The following CFAP97 variants were observed in gnomAD, a reference collection of about 807,000 sequenced individuals.
CFAP97 encodes the protein cilia and flagella associated protein 97.
In CFAP97, 36 loss-of-function variants were observed where a neutral mutation model predicts 43.1. The ratio of observed to expected loss-of-function variants is 0.84; its 90% CI spans 0.64 to 1.10. The LOEUF is 1.10. Among genes scored for constraint, CFAP97 ranks in the 50% least tolerant of loss-of-function variants. CFAP97 has a pLI of 0.00. For missense variants in CFAP97, 657 were observed against 620.3 expected (o/e 1.06, Z -0.63); for synonymous variants, 228 against 225.7 (o/e 1.01, Z -0.09).
At chr4:185,180,765 C>G (rs1377003887) in intron 2 of CFAP97, among the ~76,000 whole-genome samples, 2 of 151,938 alleles carry the variant, frequency 1.3e-5, no homozygotes, top group East Asian at 1.9e-4. Context: ...GGGAGATTGA[C>G]TAAGTTAAAA....
rs1330275832 is a variant in CFAP97 at position 185,161,676 on chromosome 4, T to C, written c.*1122A>G. 1.3e-5 allele frequency: 2 copies of C among 152,172 alleles called. No homozygotes were observed. The highest frequency in any genetic ancestry group is 2.9e-5 in the Non-Finnish European group (2 of 68,026). The allele number at this position is 152,172 out of a possible 1,614,324, so 9.4% of individuals were successfully genotyped here. A position where few individuals can be genotyped will look rare whatever the true frequency, so the allele number is the denominator to read the frequency against. ...TACCAATTCCATCAAGATTACTAGGTCTTTAAATGTGGGACTGGTAAAAAT... is the reference window on the plus strand; with the variant it reads ...TACCAATTCCATCAAGATTACTAGGCCTTTAAATGTGGGACTGGTAAAAAT... On this transcript the variant is annotated 3_prime_UTR_variant, in exon 5 of 5. Coordinates refer to ENST00000458385, the MANE Select transcript of CFAP97 (RefSeq NM_020827.3).
chr4:185,169,494 A>G (rs896133767), intron 3 of CFAP97: 2 of 644,106 alleles, frequency 3.1e-6, no homozygotes, highest in South Asian at 6.9e-5. Flanking sequence ...CTGTAAGTCA[A>G]TTAAAACTCT....
At chr4:185,193,700 T>C (rs1736408183) in intron 1 of CFAP97, among the ~76,000 whole-genome samples, 1 of 152,126 alleles carries the variant, frequency 6.6e-6, no homozygotes, top group African/African-American at 2.4e-5. Flanking sequence ...ACTATATTCA[T>C]ATTATAATTA....
At chr4:185,199,302 G>A (rs1418386079) in intron 1 of CFAP97, among the ~76,000 whole-genome samples, 1 of 152,062 alleles carries the variant, frequency 6.6e-6, no homozygotes, top group East Asian at 1.9e-4. Flanking sequence ...GAACCCAGGA[G>A]GCAGGTTGCA....
chr4:185,170,943 C>G (rs2111329868), intron 3 of CFAP97, among the ~76,000 whole-genome samples: 1 of 125,780 alleles, frequency 8.0e-6, no homozygotes, highest in South Asian at 2.5e-4. Context: ...CAAGACTGAG[C>G]CACTTACTCC....
At position 185,160,014 on chromosome 4, in the gene CFAP97, T is replaced by C. The variant is rs1282995595; in HGVS notation, c.*2784A>G. 3 of 152,252 alleles carry C rather than the reference T, an allele frequency of 2.0e-5. No homozygotes were observed. The highest frequency in any genetic ancestry group is 4.4e-5 in the Non-Finnish European group (3 of 68,050). The allele number at this position is 152,252 out of a possible 1,614,324, so 9.4% of individuals were successfully genotyped here. On this transcript the variant is annotated 3_prime_UTR_variant, in exon 5 of 5. Coordinates refer to ENST00000458385, the MANE Select transcript of CFAP97 (RefSeq NM_020827.3). ...GACAGGCACAGCCGTCACTTACCCA[T>C]GACCGTCACCTTCCTAAAGCTGTCT...
At chr4:185,165,329 T>C (rs1735026548) in intron 3 of CFAP97, among the ~76,000 whole-genome samples, 1 of 150,566 alleles carries the variant, frequency 6.6e-6, no homozygotes, top group Admixed American at 6.6e-5. Context: ...AGGATATATA[T>C]ACCAATTGGC....
rs1735499979 is a variant in CFAP97 at position 185,175,856 on chromosome 4, T to C, written c.1250A>G (p.His417Arg). The C allele has an allele frequency of 6.8e-6, 11 of 1,613,990 alleles. No individual in the cohort carries two copies. Among genetic ancestry groups the C allele is most frequent in the East Asian group, 2.2e-5 (1 of 44,876 alleles). ...AGCACTGTGATATAACTTTGGGGGA[T>C]GATCAGCCGATCTAGGAATTGTACT... The part of the protein sequence containing the change: ...SKSTIPRSAD[H>R]PPKLYHSALN... The change falls in exon 3 of 5, where the codon CAT (histidine) becomes CGT (arginine). Residue 417 changes from histidine (H) to arginine (R), a missense_variant. By Grantham distance (29) the His-to-Arg change is conservative (BLOSUM62 0). Coordinates refer to ENST00000458385, the MANE Select transcript of CFAP97 (RefSeq NM_020827.3).
intron 3 of CFAP97, among the ~76,000 whole-genome samples, chr4:185,165,313 T>A (rs4355435): frequency 0.46 from 69,915 of 151,872 alleles, 16,122 homozygotes; most frequent in Middle Eastern, 0.56. Flanking sequence ...TAATAAATTT[T>A]AAAAAAGGAT....
rs1420762334 is a variant in CFAP97 at position 185,160,197 on chromosome 4, T to G, written c.*2601A>C. On this transcript the variant is annotated 3_prime_UTR_variant, in exon 5 of 5. Transcript: ENST00000458385. ...GCAGAGGAAGTATAAGAGCTACCCC[T>G]TAAGAAATAACTTTAATAGTTAAAA... is the stretch of plus-strand genomic sequence containing the variant. The G allele has an allele frequency of 6.6e-6, 1 of 152,196 alleles. No homozygotes were observed. The highest frequency in any genetic ancestry group is 1.5e-5 in the Non-Finnish European group (1 of 68,030). 9.4% of individuals were successfully genotyped at this position (152,196 alleles called of 1,614,324 possible).
chr4:185,195,652 A>C lies in CFAP97; in HGVS notation c.-16-4440T>G, dbSNP rs147478891. On this transcript the variant is annotated intron_variant, in intron 1 of 4. Transcript: ENST00000458385. ...ATAACTCATGAGGGGAGGGGAGAGG[A>C]GTAGTGTGCTCAGGGGAAGGAGAAA... Among the ~76,000 whole-genome samples the C allele has an allele frequency of 3.9e-3, 601 of 152,334 alleles. 2 individuals are homozygous for C. The highest frequency in any genetic ancestry group is 0.014 in the African/African-American group (564 of 41,578).
intron 1 of CFAP97, among the ~76,000 whole-genome samples, chr4:185,198,881 C>A (rs1159193662): frequency 1.3e-5 from 2 of 152,020 alleles, no homozygotes; most frequent in African/African-American, 4.8e-5. Context: ...AATGTGACTA[C>A]AATAAACATC....
rs1427958788 is a variant in CFAP97 at position 185,162,804 on chromosome 4, C to T, written c.1593G>A (p.Trp531Ter). Residue 531 changes from tryptophan (W) to a stop codon, truncating the protein, a stop_gained, in exon 5 of 5, where the codon TGG becomes TGA. Transcript: ENST00000458385. LOFTEE classifies it high-confidence loss of function. ...RPKPPNVRTA[W>*]L ...TTTAAAGTAAAAAAGTGTTTTATAA[C>T]CAAGCTGTACGGACATTAGGGGGTT... 1.2e-6 allele frequency: 2 copies of T among 1,612,788 alleles called. No homozygotes were observed. Among genetic ancestry groups the T allele is most frequent in the Non-Finnish European group, 1.7e-6 (2 of 1,179,492 alleles).
intron 4 of CFAP97, 137 bp from the exon 5 acceptor site, chr4:185,163,062 G>A (rs1280618006): frequency 3.0e-6 from 2 of 671,508 alleles, no homozygotes; most frequent in Non-Finnish European, 2.2e-6. Flanking sequence ...AGAATTCCCT[G>A]TGGAAGTTAA....
upstream of CFAP97, chr4:185,209,868 C>T (rs887102707): frequency 8.9e-5 from 88 of 983,466 alleles, no homozygotes; most frequent in Non-Finnish European, 1.0e-4. The surrounding 1 kb of genome is among the most constrained non-coding windows in gnomAD (Gnocchi z 5.2). Context: ...CCGGCCCCAG[C>T]CCCGCGCGGG....
At chr4:185,202,038 T>C (rs899453039) in intron 1 of CFAP97, among the ~76,000 whole-genome samples, 1 of 151,706 alleles carries the variant, frequency 6.6e-6, no homozygotes, top group Non-Finnish European at 1.5e-5. Flanking sequence ...TTTTTGTTTT[T>C]CCCCCCATCC....
In CFAP97 at chr4:185,161,335, T is replaced by C. The variant is rs945765915; in HGVS notation, c.*1463A>G. ...CAAACTAAATCCAAGACATGTTGAA[T>C]TGATGTTTTGTAAAATGCAGTAACA... On this transcript the variant is annotated 3_prime_UTR_variant, in exon 5 of 5. Coordinates refer to ENST00000458385, the MANE Select transcript of CFAP97 (RefSeq NM_020827.3). 1 of 152,192 alleles carries C rather than the reference T, an allele frequency of 6.6e-6. No homozygotes were observed. Among genetic ancestry groups the C allele is most frequent in the Admixed American group, 6.5e-5 (1 of 15,272 alleles). 9.4% of individuals were successfully genotyped at this position (152,192 alleles called of 1,614,324 possible).
intron 2 of CFAP97, among the ~76,000 whole-genome samples, chr4:185,186,439 C>A (rs1407158510): frequency 1.3e-5 from 2 of 151,878 alleles, no homozygotes; most frequent in Middle Eastern, 3.2e-3. Context: ...TCTCAAAAAA[C>A]AACAACAACA....
chr4:185,210,218 G>C (rs1737516512), upstream of CFAP97: 3 of 984,626 alleles, frequency 3.0e-6, no homozygotes, highest in Non-Finnish European at 3.6e-6. This position sits in a 1 kb window ranked among gnomAD's most constrained non-coding sequence, Gnocchi z 4.4. Flanking sequence ...GCCTGGAGCC[G>C]GCTGGCCGCG....
Sources: allele counts gnomAD v4.1 joint callset (sites outside exome capture counted in the v4.1 genomes callset), GRCh38; gene constraint gnomAD v4.1.1; non-coding constraint Gnocchi (gnomAD v3.1); transcripts MANE v1.5; gene names NCBI Gene and HGNC (gene_info 2026-07-23, HGNC 2026-07-21).